Variants in HHIP observed in about 807,000 individuals in gnomAD.
HHIP encodes the protein hedgehog interacting protein.
Under a neutral mutation model 74.0 loss-of-function variants are expected in HHIP, and 12 were observed. The observed-to-expected ratio is 0.16, with a 90% confidence interval of 0.10 to 0.26. HHIP has a LOEUF of 0.26. Ranked by LOEUF, HHIP falls within the 10% of genes least tolerant of loss-of-function variation. The probability of loss-of-function intolerance (pLI) is 1.00; values close to 1 mark genes in which losing one functional copy is unlikely to be tolerated. For synonymous variants in HHIP, 309 were observed against 311.6 expected (o/e 0.99, Z 0.09); for missense variants, 788 against 845.0 (o/e 0.93, Z 0.84).
At chr4:144,677,329 T>C (rs1161986818) in intron 4 of HHIP, among the ~76,000 whole-genome samples, 2 of 152,228 alleles carry the variant, frequency 1.3e-5, no homozygotes, top group African/African-American at 2.4e-5. Flanking sequence ...ACAATTTTAC[T>C]TTCCCCCGTG....
intron 1 of HHIP, among the ~76,000 whole-genome samples, chr4:144,647,865 G>T (rs1728309787): frequency 6.6e-6 from 1 of 151,954 alleles, no homozygotes; most frequent in Admixed American, 6.6e-5. Context: ...AGGTGTCTTT[G>T]CTCCCCCTCC....
chr4:144,714,008 G>T (rs1440494849), intron 8 of HHIP, among the ~76,000 whole-genome samples: 1 of 152,102 alleles, frequency 6.6e-6, no homozygotes, highest in Non-Finnish European at 1.5e-5. Flanking sequence ...AGCGTTTGCG[G>T]AGCATTCTGA....
intron 4 of HHIP, among the ~76,000 whole-genome samples, chr4:144,699,656 G>T (rs543222762): frequency 3.9e-5 from 6 of 151,956 alleles, no homozygotes; most frequent in Admixed American, 1.3e-4. Flanking sequence ...TGATTAAAGC[G>T]GCTCCTTACA....
intron 6 of HHIP, 102 bp from the exon 7 acceptor site, chr4:144,708,066 A>C: frequency 4.1e-6 from 5 of 1,227,080 alleles, no homozygotes; most frequent in Non-Finnish European, 5.9e-6. Context: ...ATTTCAACTA[A>C]GGGGATGATT....
chr4:144,738,863 C>A lies in HHIP; in HGVS notation c.*906C>A. On this transcript the variant is annotated 3_prime_UTR_variant, in exon 13 of 13. Coordinates refer to ENST00000296575, the MANE Select transcript of HHIP (RefSeq NM_022475.3). The stretch of plus-strand genomic sequence containing the variant: ...CTAATCTAGCAAGGTATCCTTGTGC[C>A]AACATGTAATCATTAACGACGGATG... 2 of 180,274 alleles carry A rather than the reference C, an allele frequency of 1.1e-5. No individual in the cohort carries two copies. Among genetic ancestry groups the A allele is most frequent in the Non-Finnish European group, 1.1e-5 (1 of 93,278 alleles). 11.2% of individuals were successfully genotyped at this position (180,274 alleles called of 1,614,324 possible). A position where few individuals can be genotyped will look rare whatever the true frequency, so the allele number is the denominator to read the frequency against.
chr4:144,684,053 A>G (rs1167972398), intron 4 of HHIP, among the ~76,000 whole-genome samples: 1 of 128,604 alleles, frequency 7.8e-6, no homozygotes, highest in Non-Finnish European at 1.8e-5. Flanking sequence ...ACAGAGTGAG[A>G]CTCCGTCTAA....
In HHIP at chr4:144,740,460, C is replaced by T. The variant is rs988972676; in HGVS notation, c.*2503C>T. 1 of 152,098 alleles carries T rather than the reference C, an allele frequency of 6.6e-6. No homozygotes were observed. The highest frequency in any genetic ancestry group is 1.5e-5 in the Non-Finnish European group (1 of 68,016). The allele number at this position is 152,098 out of a possible 1,614,324, so 9.4% of individuals were successfully genotyped here. On this transcript the variant is annotated 3_prime_UTR_variant, in exon 13 of 13. Transcript: ENST00000296575. ...TCTTCTCAAGAGAAGATAGCAAGATCCACGGATATTAAGCCAAGCAAAGAA... is the reference window on the plus strand; with the variant it reads ...TCTTCTCAAGAGAAGATAGCAAGATTCACGGATATTAAGCCAAGCAAAGAA...
chr4:144,678,636 T>G (rs1578693310), intron 4 of HHIP, among the ~76,000 whole-genome samples: 1 of 152,126 alleles, frequency 6.6e-6, no homozygotes, highest in African/African-American at 2.4e-5. Flanking sequence ...AGTGAGAACA[T>G]GCAGTGTTTG....
intron 7 of HHIP, 89 bp from the exon 8 acceptor site, chr4:144,711,861 A>C: frequency 7.4e-7 from 1 of 1,344,402 alleles, no homozygotes. Flanking sequence ...GCCAGTCCAC[A>C]AAGGGCTCCT....
intron 6 of HHIP, 172 bp from the exon 7 acceptor site, chr4:144,707,996 G>T (rs1730192908): frequency 3.1e-6 from 2 of 647,064 alleles, no homozygotes; most frequent in African/African-American, 1.8e-5. Flanking sequence ...TCTCACCTTG[G>T]CTTCCCAAAG....
chr4:144,646,363 C>A lies in HHIP; in HGVS notation c.-313C>A, dbSNP rs199964786. 6.8e-5 allele frequency: 20 copies of A among 292,718 alleles called. No individual in the cohort carries two copies. The South Asian group carries it at 1.6e-3, about 23-fold the overall frequency. The allele number at this position is 292,718 out of a possible 1,614,324, so 18.1% of individuals were successfully genotyped here. On this transcript the variant is annotated 5_prime_UTR_variant, in exon 1 of 13. Transcript: ENST00000296575. Reference sequence around the variant, plus strand: ...TTTCTTCCTCCTCTTCCAACTCCTTCTCCTCCTCCCACTTCCCAGCCGCAG... The same window carrying A: ...TTTCTTCCTCCTCTTCCAACTCCTTATCCTCCTCCCACTTCCCAGCCGCAG...
intron 12 of HHIP, among the ~76,000 whole-genome samples, chr4:144,737,370 G>A (rs1420129976): frequency 3.9e-5 from 6 of 152,110 alleles, no homozygotes; most frequent in Non-Finnish European, 8.8e-5. Context: ...CCTCAGGCTG[G>A]GCCACTCCCA....
chr4:144,705,011 T>C (rs1390497339), intron 4 of HHIP, among the ~76,000 whole-genome samples: 2 of 152,238 alleles, frequency 1.3e-5, no homozygotes, highest in Non-Finnish European at 2.9e-5. Context: ...TTTACCTTTA[T>C]GATTAAAATT....
Position 144,712,530 on chromosome 4 carries a change from G to T in HHIP, c.1423+459G>T, listed in dbSNP as rs909767039. Among the ~76,000 whole-genome samples the T allele has an allele frequency of 1.6e-3, 240 of 152,232 alleles. 2 individuals carry two copies. The highest frequency in any genetic ancestry group is 2.6e-4 in the Non-Finnish European group (18 of 67,990). ...ATAAGAATGTAATTTTTTAAAAAATGTTTATCTTAGAGAAAACAAAGTAAT... is the reference window on the plus strand; with the variant it reads ...ATAAGAATGTAATTTTTTAAAAAATTTTTATCTTAGAGAAAACAAAGTAAT... On this transcript the variant is annotated intron_variant, in intron 8 of 12. Transcript: ENST00000296575.
chr4:144,708,280 G>C lies in HHIP; in HGVS notation c.1270G>C (p.Val424Leu). Residue 424 changes from valine to leucine, a missense_variant, in exon 7 of 13, where the codon GTG (valine) becomes CTG (leucine). By Grantham distance (32) the Val-to-Leu change is conservative. Coordinates refer to ENST00000296575, the MANE Select transcript of HHIP (RefSeq NM_022475.3). ...CAACAGCACCAACCAGCCCCCCGAA[G>C]TGTTTGCTCATGGGCTCCACGATCC... Reference protein sequence around the residue: ...HFNSTNQPPEVFAHGLHDPGR... With the variant: ...HFNSTNQPPELFAHGLHDPGR... 2 of 1,614,114 alleles carry C rather than the reference G, an allele frequency of 1.2e-6. No homozygotes were observed. The highest frequency in any genetic ancestry group is 3.3e-4 in the Middle Eastern group (2 of 6,062).
At chr4:144,718,038 TAA>T (rs1448548014) in intron 10 of HHIP, among the ~76,000 whole-genome samples, 1 of 152,154 alleles carries the variant, frequency 6.6e-6, no homozygotes, top group African/African-American at 2.4e-5. Context: ...CAGCAGTGGA[TAA>T]AGAGACAAAA....
intron 10 of HHIP, 86 bp downstream of exon 10, chr4:144,715,516 A>G: frequency 7.9e-7 from 1 of 1,264,368 alleles, no homozygotes; most frequent in Non-Finnish European, 1.1e-6. Context: ...AAATACAGCA[A>G]TCTTATCCTC....
chr4:144,710,511 C>T (rs144967612), intron 7 of HHIP, among the ~76,000 whole-genome samples: 6 of 152,216 alleles, frequency 3.9e-5, no homozygotes, highest in African/African-American at 7.2e-5. Flanking sequence ...ATGACTCTTA[C>T]GTCTCTTAAG....
chr4:144,677,506 G>T (rs1729202545), intron 4 of HHIP, among the ~76,000 whole-genome samples: 1 of 152,154 alleles, frequency 6.6e-6, no homozygotes, highest in Non-Finnish European at 1.5e-5. Flanking sequence ...CACCCATCCT[G>T]GGGCCACTCA....
Sources: allele counts gnomAD v4.1 joint callset (sites outside exome capture counted in the v4.1 genomes callset), GRCh38; gene constraint gnomAD v4.1.1; transcripts MANE v1.5; gene names NCBI Gene and HGNC (gene_info 2026-07-23, HGNC 2026-07-21).